The following CATSPERT variants were observed in gnomAD, a reference collection of about 807,000 sequenced individuals.
CATSPERT encodes cation channel sperm-associated targeting subunit tau.
At chr2:201,577,319 C>T in the CATSPERT span, among the ~76,000 whole-genome samples, 1 of 152,014 alleles carries the variant, frequency 6.6e-6, no homozygotes, top group African/African-American at 2.4e-5. Flanking sequence ...TTAACCCGTA[C>T]AGACATTCTG....
the CATSPERT span, among the ~76,000 whole-genome samples, chr2:201,520,275 CA>C: frequency 6.6e-6 from 1 of 152,094 alleles, no homozygotes. Context: ...GAAAGAAAAT[CA>C]AAAAGAAACA....
the CATSPERT span, among the ~76,000 whole-genome samples, chr2:201,613,299 C>T: frequency 6.6e-6 from 1 of 152,212 alleles, no homozygotes; most frequent in African/African-American, 2.4e-5. Flanking sequence ...GGAGACACCT[C>T]CCAGTAGGGG....
chr2:201,603,301 G>GAC, the CATSPERT span: 1 of 1,596,102 alleles, frequency 6.3e-7, no homozygotes, highest in African/African-American at 1.3e-5. Flanking sequence ...CAAAAACACA[G>GAC]ACAGTGAATG....
At chr2:201,514,798 G>C in the CATSPERT span, among the ~76,000 whole-genome samples, 1 of 152,222 alleles carries the variant, frequency 6.6e-6, no homozygotes, top group Non-Finnish European at 1.5e-5. Flanking sequence ...TAGTGGCCCA[G>C]CTGATACCAT....
chr2:201,537,289 A>G, the CATSPERT span: 1 of 577,514 alleles, frequency 1.7e-6, no homozygotes, highest in Non-Finnish European at 3.0e-6. Context: ...GAGTGTAACT[A>G]TACAGATATT....
At chr2:201,535,198 C>T in the CATSPERT span, 28 of 984,456 alleles carry the variant, frequency 2.8e-5, no homozygotes, top group Non-Finnish European at 3.3e-5. Context: ...TTAGAAATGA[C>T]CTAGTCTGAT....
At chr2:201,536,991 C>T in the CATSPERT span, among the ~76,000 whole-genome samples, 1 of 151,846 alleles carries the variant, frequency 6.6e-6, no homozygotes, top group Non-Finnish European at 1.5e-5. Flanking sequence ...GGAATGAATA[C>T]CTTATGTAAA....
chr2:201,561,665 A>T, the CATSPERT span, among the ~76,000 whole-genome samples: 1 of 152,178 alleles, frequency 6.6e-6, no homozygotes, highest in Non-Finnish European at 1.5e-5. Flanking sequence ...TGAGGTCAGA[A>T]GTTCGAGACC....
At chr2:201,525,061 GA>G in the CATSPERT span, among the ~76,000 whole-genome samples, 1 of 152,146 alleles carries the variant, frequency 6.6e-6, no homozygotes, top group African/African-American at 2.4e-5. Context: ...CATTGAGGCA[GA>G]AAACTAACAA....
At chr2:201,574,203 A>T in the CATSPERT span, 26 of 1,596,820 alleles carry the variant, frequency 1.6e-5, no homozygotes, top group African/African-American at 2.7e-5. Flanking sequence ...AAAGAGGGGA[A>T]CTAACCTGAT....
the CATSPERT span, among the ~76,000 whole-genome samples, chr2:201,588,404 C>T: frequency 6.6e-6 from 1 of 151,810 alleles, no homozygotes; most frequent in African/African-American, 2.4e-5. Context: ...ACATGATTAT[C>T]TCAATAGATG....
the CATSPERT span, chr2:201,575,306 C>A: frequency 5.0e-6 from 8 of 1,593,122 alleles, no homozygotes; most frequent in Admixed American, 6.9e-5. Context: ...ACACTTGGAC[C>A]TCTTCAATGA....
the CATSPERT span, among the ~76,000 whole-genome samples, chr2:201,521,785 A>G: frequency 4.6e-5 from 7 of 152,236 alleles, no homozygotes; most frequent in African/African-American, 1.2e-4. Flanking sequence ...ATCCATTAAT[A>G]CAACATGATC....
the CATSPERT span, chr2:201,491,254 G>A: frequency 6.5e-7 from 1 of 1,537,910 alleles, no homozygotes; most frequent in Non-Finnish European, 8.7e-7. Flanking sequence ...CAGTGTGGTT[G>A]GTAGTATCCT....
chr2:201,532,257 C>G, the CATSPERT span, among the ~76,000 whole-genome samples: 3 of 152,112 alleles, frequency 2.0e-5, no homozygotes, highest in East Asian at 5.8e-4. Flanking sequence ...AATATAAGCT[C>G]CACAAGAACA....
chr2:201,613,919 C>A, the CATSPERT span, among the ~76,000 whole-genome samples: 1 of 152,096 alleles, frequency 6.6e-6, no homozygotes, highest in East Asian at 1.9e-4. Context: ...CATGCACAAG[C>A]TTCAGTAGCC....
At chr2:201,494,290 T>C in the CATSPERT span, 1 of 1,537,154 alleles carries the variant, frequency 6.5e-7, no homozygotes, top group Non-Finnish European at 8.7e-7. Context: ...TGAAAGGTCT[T>C]GCAGATTTTC....
At chr2:201,571,240 T>C in the CATSPERT span, among the ~76,000 whole-genome samples, 2 of 152,348 alleles carry the variant, frequency 1.3e-5, no homozygotes, top group African/African-American at 2.4e-5. Context: ...AGTATTTTAA[T>C]GATAATATCC....
the CATSPERT span, among the ~76,000 whole-genome samples, chr2:201,519,435 T>C: frequency 2.6e-5 from 4 of 151,800 alleles, no homozygotes; most frequent in East Asian, 7.7e-4. Flanking sequence ...GAAATCTACA[T>C]AGAGACATAT....
Sources: allele counts gnomAD v4.1 joint callset (sites outside exome capture counted in the v4.1 genomes callset), GRCh38; gene constraint gnomAD v4.1.1; transcripts MANE v1.5; gene names NCBI Gene and HGNC (gene_info 2026-07-23, HGNC 2026-07-21).